Variants in LRRK2 observed in about 807,000 individuals in gnomAD.
LRRK2 encodes leucine rich repeat kinase 2, also known as leucine-rich repeat serine/threonine-protein kinase 2.
In LRRK2, 203 loss-of-function variants were observed where a neutral mutation model predicts 302.6. That is an observed-to-expected ratio of 0.67 (90% CI 0.60 to 0.75). The LOEUF is 0.75. Ranked by LOEUF, LRRK2 falls within the 30% of genes least tolerant of loss-of-function variation. The pLI, the probability that LRRK2 is intolerant of heterozygous loss-of-function variation, is 0.00. For missense variants in LRRK2, 2,830 were observed against 2,951.0 expected, an observed-to-expected ratio of 0.96 and a Z score of 0.95; for synonymous variants, 1,066 against 1,031.9, an observed-to-expected ratio of 1.03 and a Z score of -0.63.
At chr12:40,341,470 A>G (rs1011462979) in intron 41 of LRRK2, among the ~76,000 whole-genome samples, 2 of 152,186 alleles carry the variant, frequency 1.3e-5, no homozygotes, top group Non-Finnish European at 2.9e-5. Context: ...GGATAGTTAC[A>G]TTTTAGAAGT....
intron 5 of LRRK2, among the ~76,000 whole-genome samples, chr12:40,238,873 G>A (rs1941594082): frequency 6.6e-6 from 1 of 152,068 alleles, no homozygotes; most frequent in African/African-American, 2.4e-5. Context: ...CCTCCCAGAA[G>A]GATTTTAAAC....
intron 31 of LRRK2, among the ~76,000 whole-genome samples, chr12:40,313,443 A>G (rs1055995426): frequency 6.6e-6 from 1 of 152,058 alleles, no homozygotes; most frequent in African/African-American, 2.4e-5. Context: ...GGTTCCATGA[A>G]AAACATAGCT....
Position 40,274,641 on chromosome 12 carries a change from A to G in LRRK2, c.1715A>G (p.His572Arg). The stretch of plus-strand genomic sequence containing the variant: ...TTAAAAGTAATTTCTTCTATTGTAC[A>G]TTTTCCTGATGCATTAGAGATGTTA... The part of the protein sequence containing the change: ...CGLKVISSIV[H>R]FPDALEMLSL... Residue 572 changes from histidine to arginine, a missense_variant, in exon 15 of 51, where the codon CAT becomes CGT. Around this residue, in one of 3 missense-constraint regions of LRRK2, gnomAD observed 2,121 missense variants for 2,148.0 expected, o/e 0.99. Transcript: ENST00000298910. 6.2e-7 allele frequency: 1 copy of G among 1,613,856 alleles called. No individual in the cohort carries two copies.
intron 49 of LRRK2, 118 bp from the exon 50 acceptor site, chr12:40,366,888 A>AATTGT: frequency 2.8e-6 from 2 of 705,240 alleles, no homozygotes; most frequent in Admixed American, 5.1e-5. Context: ...TAGAAAATAG[A>AATTGT]ATTGTGAATT....
At chr12:40,316,114 T>C (rs1012462072) in intron 33 of LRRK2, among the ~76,000 whole-genome samples, 6 of 152,054 alleles carry the variant, frequency 3.9e-5, no homozygotes, top group Non-Finnish European at 7.4e-5. Context: ...AACATTAAGC[T>C]ACTGATTTGT....
intron 33 of LRRK2, among the ~76,000 whole-genome samples, chr12:40,318,678 A>G (rs551596407): frequency 3.9e-5 from 6 of 152,210 alleles, no homozygotes; most frequent in African/African-American, 1.4e-4. Flanking sequence ...TAATAAATAA[A>G]CATATAATAT....
intron 49 of LRRK2, chr12:40,366,417 T>C (rs919153998): frequency 6.6e-6 from 1 of 152,200 alleles, no homozygotes; most frequent in East Asian, 1.9e-4. Flanking sequence ...ATATTTTTTT[T>C]TCATTAATGC....
At chr12:40,350,784 CTTG>C (rs1946325772) in intron 43 of LRRK2, among the ~76,000 whole-genome samples, 1 of 151,946 alleles carries the variant, frequency 6.6e-6, no homozygotes, top group Non-Finnish European at 1.5e-5. Context: ...TTTTTCATAG[CTTG>C]TTGTTTTTCT....
chr12:40,275,587 TG>T (rs1943418805), intron 16 of LRRK2, among the ~76,000 whole-genome samples: 1 of 152,104 alleles, frequency 6.6e-6, no homozygotes, highest in African/African-American at 2.4e-5. Context: ...TTGTGGAGTT[TG>T]CAACTTTCAT....
At chr12:40,319,936 C>T in intron 33 of LRRK2, 52 bp from the exon 34 acceptor site, 1 of 1,542,312 alleles carries the variant, frequency 6.5e-7, no homozygotes, top group South Asian at 1.2e-5. Context: ...TTTAAATTTG[C>T]AACATTTCAG....
intron 7 of LRRK2, among the ~76,000 whole-genome samples, chr12:40,245,006 A>C (rs1029293124): frequency 6.6e-6 from 1 of 151,304 alleles, no homozygotes; most frequent in African/African-American, 2.4e-5. Flanking sequence ...GAGTGAAAAA[A>C]AAAAAAAAAA....
intron 44 of LRRK2, among the ~76,000 whole-genome samples, chr12:40,353,503 G>A (rs1344922152): frequency 1.1e-4 from 7 of 66,214 alleles, no homozygotes; most frequent in Non-Finnish European, 2.8e-4. Context: ...CCCAGACTGG[G>A]CAGCCGGGCA....
At chr12:40,364,692 A>G in intron 48 of LRRK2, 150 bp from the exon 49 acceptor site, 1 of 668,856 alleles carries the variant, frequency 1.5e-6, no homozygotes, top group South Asian at 1.9e-5. Flanking sequence ...ATCTGTATTT[A>G]GCAAAATTTG....
At chr12:40,246,283 A>T (rs140733093) in intron 7 of LRRK2, among the ~76,000 whole-genome samples, 2 of 151,948 alleles carry the variant, frequency 1.3e-5, no homozygotes, top group Admixed American at 1.3e-4. Flanking sequence ...TTATGTTAAT[A>T]TGAAGAAATA....
chr12:40,290,795 C>G (rs2136691091), intron 20 of LRRK2, among the ~76,000 whole-genome samples: 1 of 152,052 alleles, frequency 6.6e-6, no homozygotes, highest in Non-Finnish European at 1.5e-5. Flanking sequence ...GTTACTTTCT[C>G]ACGGACTTTT....
chr12:40,287,338 CTCT>C lies in LRRK2; in HGVS notation c.2501-11_2501-9del, dbSNP rs1379271450. On this transcript the variant is annotated splice_polypyrimidine_tract_variant and intron_variant, in intron 19 of 50. Coordinates refer to ENST00000298910, the MANE Select transcript of LRRK2 (RefSeq NM_198578.4). ...GTTGATTTCTAAGTTGCTGGTGTAT[CTCT>C]TATTTTCAGATATAGCATCTACACT... The C allele has an allele frequency of 6.3e-7, 1 of 1,581,278 alleles. No individual in the cohort carries two copies. The highest frequency in any genetic ancestry group is 1.1e-5 in the South Asian group (1 of 89,194).
intron 8 of LRRK2, among the ~76,000 whole-genome samples, chr12:40,250,608 G>C (rs2064611514): frequency 6.6e-6 from 1 of 152,290 alleles, no homozygotes; most frequent in East Asian, 1.9e-4. Flanking sequence ...CCATCACCTA[G>C]GTATTAAGCC....
intron 41 of LRRK2, 97 bp downstream of exon 41, chr12:40,340,551 A>G (rs1433713258): frequency 3.2e-6 from 4 of 1,239,666 alleles, no homozygotes; most frequent in Non-Finnish European, 3.6e-6. Flanking sequence ...AACAGAGTCT[A>G]TCACATTGTG....
chr12:40,298,903 A>G (rs1944511062), intron 24 of LRRK2, among the ~76,000 whole-genome samples: 2 of 129,148 alleles, frequency 1.5e-5, no homozygotes, highest in South Asian at 4.7e-4. Flanking sequence ...TATATATACT[A>G]TATATAATAC....
Sources: gnomAD v4.1 joint callset for allele counts (sites outside exome capture counted in the v4.1 genomes callset) on GRCh38, gnomAD v4.1.1 for gene constraint, gnomAD v4.1.1 regional missense constraint, MANE v1.5 for transcripts, NCBI Gene and HGNC (gene_info 2026-07-23, HGNC 2026-07-21) for gene names.